The following GUCA1C variants were observed in gnomAD, a reference collection of about 807,000 sequenced individuals.
GUCA1C encodes guanylate cyclase activator 1C.
A neutral mutation model predicts 16.2 loss-of-function variants in GUCA1C; 15 were observed. The observed-to-expected ratio is 0.93, with a 90% CI of 0.62 to 1.43. The LOEUF (loss-of-function observed/expected upper bound fraction) is 1.43, where lower values mean the gene tolerates loss of function less well. Ranked by LOEUF, GUCA1C falls within the 40% of genes most tolerant of loss-of-function variation. The pLI is 0.00. For missense variants in GUCA1C, 275 were observed against 244.8 expected (o/e 1.12, Z -0.82); for synonymous variants, 78 against 85.4 (o/e 0.91, Z 0.48).
chr3:108,908,744 C>A (rs1322146520), intron 3 of GUCA1C, among the ~76,000 whole-genome samples: 1 of 152,128 alleles, frequency 6.6e-6, no homozygotes, highest in African/African-American at 2.4e-5. Context: ...ATCTTATCAC[C>A]TTGACTTACA....
intron 1 of GUCA1C, among the ~76,000 whole-genome samples, 177 bp from the exon 2 acceptor site, chr3:108,920,762 CTTTAA>C (rs1946562542): frequency 6.6e-6 from 1 of 152,128 alleles, no homozygotes; most frequent in Non-Finnish European, 1.5e-5. Context: ...ACACAAGTGA[CTTTAA>C]TTTTACAATT....
chr3:108,933,256 G>T (rs879643884), intron 1 of GUCA1C, among the ~76,000 whole-genome samples: 1 of 152,152 alleles, frequency 6.6e-6, no homozygotes, highest in Non-Finnish European at 1.5e-5. Context: ...TTAAGAGCTC[G>T]CAAAGCCAGA....
intron 1 of GUCA1C, among the ~76,000 whole-genome samples, chr3:108,949,565 G>A (rs749882589): frequency 2.6e-5 from 4 of 152,196 alleles, no homozygotes; most frequent in Non-Finnish European, 4.4e-5. Context: ...GAATTCTAAA[G>A]TGAAGCATCT....
Position 108,928,497 on chromosome 3 carries a change from C to G in GUCA1C, c.205-7912G>C, listed in dbSNP as rs369890803. 1.1e-3 allele frequency among the ~76,000 whole-genome samples: 175 copies of G among 152,232 alleles called. 3 individuals are homozygous for G. In the South Asian group the frequency reaches 0.029, roughly 25 times the overall value. On this transcript the variant is annotated intron_variant, in intron 1 of 3. Coordinates refer to ENST00000261047, the MANE Select transcript of GUCA1C (RefSeq NM_005459.4). ...ATGAGTTATGCCTTTAGCATTGTAT[C>G]GAAAACATCATTACCAAACCCAATG...
chr3:108,939,324 C>CTTTGTTTTTTTTTTTTT (rs1946761309), intron 1 of GUCA1C, among the ~76,000 whole-genome samples: 2 of 32,912 alleles, frequency 6.1e-5, no homozygotes, highest in African/African-American at 1.1e-4. Flanking sequence ...TGCTTCAAGG[C>CTTTGTTTTTTTTTTTTT]TTTTTTTTTT....
intron 1 of GUCA1C, among the ~76,000 whole-genome samples, chr3:108,950,564 ATT>A (rs1291980730): frequency 1.3e-5 from 2 of 152,182 alleles, no homozygotes; most frequent in Non-Finnish European, 2.9e-5. Flanking sequence ...AGAAAGTGTT[ATT>A]GTTATTGAAT....
chr3:108,938,266 T>C (rs1464967929), intron 1 of GUCA1C, among the ~76,000 whole-genome samples: 1 of 152,142 alleles, frequency 6.6e-6, no homozygotes, highest in African/African-American at 2.4e-5. Context: ...TGTGAAAAAT[T>C]CATGAATTTT....
intron 1 of GUCA1C, among the ~76,000 whole-genome samples, chr3:108,929,560 C>T (rs1946649118): frequency 6.6e-6 from 1 of 152,026 alleles, no homozygotes; most frequent in Admixed American, 6.6e-5. Flanking sequence ...TAGTTTCTTA[C>T]CATTAAGTAT....
At chr3:108,944,941 G>C (rs1207364258) in intron 1 of GUCA1C, among the ~76,000 whole-genome samples, 1 of 152,158 alleles carries the variant, frequency 6.6e-6, no homozygotes, top group Admixed American at 6.5e-5. Context: ...AGGAGTAAAC[G>C]GAGGGTGAGA....
chr3:108,926,993 G>A (rs1946628883), intron 1 of GUCA1C, among the ~76,000 whole-genome samples: 5 of 152,138 alleles, frequency 3.3e-5, no homozygotes, highest in African/African-American at 7.2e-5. Flanking sequence ...TATGAAGCTC[G>A]GTTTCACTGG....
chr3:108,912,480 G>C (rs920357386), intron 3 of GUCA1C, among the ~76,000 whole-genome samples: 1 of 151,558 alleles, frequency 6.6e-6, no homozygotes, highest in Non-Finnish European at 1.5e-5. Flanking sequence ...CTTTCCTGAT[G>C]CTTTTGTTCG....
chr3:108,929,336 T>C (rs1015834660), intron 1 of GUCA1C, among the ~76,000 whole-genome samples: 1 of 152,230 alleles, frequency 6.6e-6, no homozygotes, highest in African/African-American at 2.4e-5. Context: ...TCTTTTGTTT[T>C]TGTTTTTGGT....
intron 1 of GUCA1C, among the ~76,000 whole-genome samples, chr3:108,926,331 G>A (rs1946622482): frequency 6.6e-6 from 1 of 152,174 alleles, no homozygotes; most frequent in Non-Finnish European, 1.5e-5. Flanking sequence ...TTTGTTAGGT[G>A]AGTCTCTTGA....
At chr3:108,950,565 T>C (rs918801369) in intron 1 of GUCA1C, among the ~76,000 whole-genome samples, 11 of 152,230 alleles carry the variant, frequency 7.2e-5, no homozygotes, top group Admixed American at 5.9e-4. Context: ...GAAAGTGTTA[T>C]TGTTATTGAA....
chr3:108,915,815 A>C (rs1946504014), intron 3 of GUCA1C: 1 of 385,358 alleles, frequency 2.6e-6, no homozygotes, highest in African/African-American at 2.1e-5. Context: ...GGAACTGATT[A>C]ATAGAATGTG....
intron 2 of GUCA1C, among the ~76,000 whole-genome samples, chr3:108,916,486 G>T (rs1946517254): frequency 6.6e-6 from 1 of 152,190 alleles, no homozygotes; most frequent in African/African-American, 2.4e-5. Context: ...GATGCAATGA[G>T]CCCATTGGAG....
chr3:108,925,496 T>C (rs1027296634), intron 1 of GUCA1C, among the ~76,000 whole-genome samples: 18 of 152,234 alleles, frequency 1.2e-4, no homozygotes, highest in African/African-American at 3.9e-4. Flanking sequence ...CTACTTGACA[T>C]AATTTCAATT....
intron 1 of GUCA1C, among the ~76,000 whole-genome samples, chr3:108,924,868 ATTTCCAG>A (rs1403572118): frequency 6.6e-6 from 1 of 152,044 alleles, no homozygotes; most frequent in African/African-American, 2.4e-5. Context: ...AGGTTTGTGT[ATTTCCAG>A]GACTTTATCC....
intron 3 of GUCA1C, among the ~76,000 whole-genome samples, chr3:108,915,590 A>G (rs1044576595): frequency 6.6e-6 from 1 of 152,214 alleles, no homozygotes; most frequent in Non-Finnish European, 1.5e-5. Context: ...TGGAGAAATA[A>G]TCAGAGCAGA....
Sources: gnomAD v4.1 joint callset for allele counts (sites outside exome capture counted in the v4.1 genomes callset) on GRCh38, gnomAD v4.1.1 for gene constraint, MANE v1.5 for transcripts, NCBI Gene and HGNC (gene_info 2026-07-23, HGNC 2026-07-21) for gene names.